The following RAD51B variants were observed in gnomAD, a reference collection of about 807,000 sequenced individuals.
RAD51B encodes the protein RAD51 paralog B, also known as DNA repair protein RAD51 homolog 2.
A neutral mutation model predicts 42.2 loss-of-function variants in RAD51B; 38 were observed. That is an observed-to-expected ratio of 0.90 (90% CI 0.70 to 1.18). The LOEUF is 1.18. Ranked by LOEUF, RAD51B falls within the 50% of genes most tolerant of loss-of-function variation. The pLI is 0.00. For synonymous variants in RAD51B, 154 were observed against 145.2 expected (o/e 1.06, Z -0.43); for missense variants, 373 against 400.7 (o/e 0.93, Z 0.59).
intron 7 of RAD51B, among the ~76,000 whole-genome samples, chr14:67,987,654 G>C (rs994038219): frequency 3.9e-5 from 6 of 152,088 alleles, no homozygotes; most frequent in Non-Finnish European, 7.4e-5. Context: ...ACTTTCATAA[G>C]TATTTTCTGG....
Position 68,153,248 on chromosome 14 carries a change from G to A in RAD51B, c.757-138636G>A, listed in dbSNP as rs981960. Among the ~76,000 whole-genome samples the A allele has an allele frequency of 3.2e-3, 486 of 152,136 alleles. 2 individuals are homozygous for A. Among genetic ancestry groups the A allele is most frequent in the African/African-American group, 0.011 (462 of 41,504 alleles). Reference sequence around the variant, plus strand: ...TACATTAGTTATAAATCCCACACTCGATTTTGTTTTAGTCAATTATCTGTA... The same window carrying A: ...TACATTAGTTATAAATCCCACACTCAATTTTGTTTTAGTCAATTATCTGTA... On this transcript the variant is annotated intron_variant, in intron 7 of 10. Coordinates refer to ENST00000471583, the MANE Select transcript of RAD51B (RefSeq NM_133510.4).
rs1594882945 is a variant in RAD51B, at chr14:68,469,020, T to C, written c.1036+770T>C. The C allele has an allele frequency of 9.2e-6, 4 of 435,782 alleles. No individual in the cohort carries two copies. The East Asian group carries it at 1.8e-4, about 19-fold the overall frequency. The allele number at this position is 435,782 out of a possible 1,614,324, so 27.0% of individuals were successfully genotyped here. A position where few individuals can be genotyped will look rare whatever the true frequency, so the allele number is the denominator to read the frequency against. ...AAGAGTCAGCCCACAATGTCAGATG[T>C]ACAAAACTGCTTTGTGGATGAGGAA... On this transcript the variant is annotated intron_variant, in intron 10 of 10. Transcript: ENST00000471583.
intron 10 of RAD51B, among the ~76,000 whole-genome samples, chr14:68,486,543 A>G (rs1230863569): frequency 6.6e-6 from 1 of 152,232 alleles, no homozygotes; most frequent in East Asian, 1.9e-4. Flanking sequence ...CTCCGGAGTT[A>G]ATCAACAACG....
At chr14:68,420,339 A>G (rs1263007800) in intron 9 of RAD51B, among the ~76,000 whole-genome samples, 2 of 152,214 alleles carry the variant, frequency 1.3e-5, no homozygotes, top group Non-Finnish European at 2.9e-5. Context: ...CAGAGTTCAT[A>G]AAGTGAAAGC....
intron 10 of RAD51B, among the ~76,000 whole-genome samples, chr14:68,560,839 C>T (rs1186537494): frequency 2.0e-5 from 3 of 152,124 alleles, no homozygotes; most frequent in Non-Finnish European, 4.4e-5. Context: ...ACCCTGCTCT[C>T]TCCACACTAC....
chr14:68,169,774 C>T (rs1020287374), intron 7 of RAD51B, among the ~76,000 whole-genome samples: 2 of 151,926 alleles, frequency 1.3e-5, no homozygotes, highest in African/African-American at 2.4e-5. Context: ...ATCTGATGGG[C>T]GTATTTTGAA....
chr14:68,199,690 C>T (rs1463757104), intron 7 of RAD51B, among the ~76,000 whole-genome samples: 1 of 152,214 alleles, frequency 6.6e-6, no homozygotes, highest in African/African-American at 2.4e-5. Context: ...GTCCGAGACC[C>T]AATAGAGGAT....
rs116195680 is a variant in RAD51B, at chr14:68,035,446, A to G, written c.756+148242A>G. Among the ~76,000 whole-genome samples, 604 of 152,340 alleles carry G rather than the reference A, an allele frequency of 4.0e-3. 6 individuals are homozygous for G. The highest frequency in any genetic ancestry group is 0.014 in the African/African-American group (571 of 41,584). On this transcript the variant is annotated intron_variant, in intron 7 of 10. Transcript: ENST00000471583. ...AGATATGAGAATTTAAACATATAAC[A>G]TGAATACCCCCAGTTTTGAGTGCTA...
chr14:68,396,512 A>G (rs116877431), intron 8 of RAD51B, among the ~76,000 whole-genome samples: 262 of 152,360 alleles, frequency 1.7e-3, no homozygotes, highest in Non-Finnish European at 3.4e-3. Flanking sequence ...ATCCTAAGAT[A>G]CAGAAAGATA....
At chr14:68,222,691 A>T (rs2079954940) in intron 7 of RAD51B, among the ~76,000 whole-genome samples, 2 of 152,182 alleles carry the variant, frequency 1.3e-5, no homozygotes, top group East Asian at 3.8e-4. Flanking sequence ...AAATAAATTA[A>T]TAAATTAATG....
At chr14:68,250,273 T>A (rs1334958364) in intron 7 of RAD51B, among the ~76,000 whole-genome samples, 1 of 152,256 alleles carries the variant, frequency 6.6e-6, no homozygotes, top group Non-Finnish European at 1.5e-5. Context: ...TTAATTGATA[T>A]CTTCTGCTCT....
chr14:68,357,561 A>G (rs369810386), intron 8 of RAD51B, among the ~76,000 whole-genome samples: 10 of 152,182 alleles, frequency 6.6e-5, no homozygotes, highest in East Asian at 5.8e-4. Context: ...ATCACTATCT[A>G]TGGCAGCTAT....
chr14:68,602,244 T>G (rs181355581), intron 10 of RAD51B, among the ~76,000 whole-genome samples: 14 of 151,930 alleles, frequency 9.2e-5, no homozygotes, highest in Middle Eastern at 6.8e-3. Flanking sequence ...CAGTTTCTAC[T>G]CTCCCTCCCA....
intron 7 of RAD51B, among the ~76,000 whole-genome samples, chr14:68,106,997 T>C (rs1403409794): frequency 6.6e-6 from 1 of 151,840 alleles, no homozygotes; most frequent in Non-Finnish European, 1.5e-5. Flanking sequence ...TTTTCAGCAT[T>C]TTATAGCCTG....
intron 10 of RAD51B, among the ~76,000 whole-genome samples, chr14:68,605,823 C>T (rs1891423670): frequency 6.6e-6 from 1 of 152,212 alleles, no homozygotes; most frequent in Non-Finnish European, 1.5e-5. Flanking sequence ...TTGCTCTCCA[C>T]CCGCCCCTAA....
intron 10 of RAD51B, among the ~76,000 whole-genome samples, chr14:68,513,605 G>A (rs1885915344): frequency 6.6e-6 from 1 of 152,232 alleles, no homozygotes; most frequent in East Asian, 1.9e-4. Flanking sequence ...ATACTGTCTG[G>A]TCAGTTTCCT....
At chr14:68,035,928 A>G (rs2076114333) in intron 7 of RAD51B, among the ~76,000 whole-genome samples, 1 of 152,204 alleles carries the variant, frequency 6.6e-6, no homozygotes, top group Non-Finnish European at 1.5e-5. Context: ...GTGAATGTTA[A>G]AGAAGTGGAA....
chr14:68,023,471 C>A (rs186397034), intron 7 of RAD51B, among the ~76,000 whole-genome samples: 5 of 152,184 alleles, frequency 3.3e-5, no homozygotes, highest in Admixed American at 2.6e-4. Context: ...TGATTACAGG[C>A]GTGCGCCATG....
chr14:68,230,067 A>G (rs1410577976), intron 7 of RAD51B, among the ~76,000 whole-genome samples: 4 of 152,228 alleles, frequency 2.6e-5, no homozygotes, highest in Non-Finnish European at 5.9e-5. Flanking sequence ...TCAACTAGGT[A>G]TCCAGCACTG....
Sources: gnomAD v4.1 joint callset for allele counts (sites outside exome capture counted in the v4.1 genomes callset) on GRCh38, gnomAD v4.1.1 for gene constraint, MANE v1.5 for transcripts, NCBI Gene and HGNC (gene_info 2026-07-23, HGNC 2026-07-21) for gene names.